The following PLXNC1 variants were observed in gnomAD, a reference collection of about 807,000 sequenced individuals.
PLXNC1 encodes plexin-C1.
PLXNC1 carries 75 observed loss-of-function variants against 178.2 expected under a neutral mutation model. That is an observed-to-expected ratio of 0.42 (90% CI 0.35 to 0.51). The LOEUF (loss-of-function observed/expected upper bound fraction) is 0.51. PLXNC1 is among the 20% of genes least tolerant of loss of function. The pLI is 0.02. For missense variants in PLXNC1, 1,503 were observed against 1,984.4 expected, an observed-to-expected ratio of 0.76 and a Z score of 4.61; for synonymous variants, 790 against 779.9, an observed-to-expected ratio of 1.01 and a Z score of -0.22.
At chr12:94,246,227 G>A (rs1367648450) in intron 12 of PLXNC1, among the ~76,000 whole-genome samples, 1 of 152,210 alleles carries the variant, frequency 6.6e-6, no homozygotes, top group Non-Finnish European at 1.5e-5. Flanking sequence ...AGTTTGGAGA[G>A]GCAGGAACTG....
chr12:94,153,334 G>A (rs1181499946), intron 1 of PLXNC1, among the ~76,000 whole-genome samples: 1 of 152,258 alleles, frequency 6.6e-6, no homozygotes. Flanking sequence ...GTTGAGGCTA[G>A]AGGGTAACCT....
chr12:94,210,911 C>T (rs867167508), intron 5 of PLXNC1, among the ~76,000 whole-genome samples: 2 of 152,072 alleles, frequency 1.3e-5, no homozygotes, highest in East Asian at 1.9e-4. Context: ...CCAAATTTGG[C>T]GCTAATAGAG....
chr12:94,204,481 A>C (rs1222593644), intron 4 of PLXNC1, among the ~76,000 whole-genome samples: 1 of 152,256 alleles, frequency 6.6e-6, no homozygotes, highest in Non-Finnish European at 1.5e-5. Context: ...TAATTTTATC[A>C]TGTAGACTGA....
At chr12:94,182,809 G>T (rs1962361786) in intron 3 of PLXNC1, among the ~76,000 whole-genome samples, 1 of 152,012 alleles carries the variant, frequency 6.6e-6, no homozygotes, top group African/African-American at 2.4e-5. Context: ...TTTATTTTAT[G>T]TGAAGAATCT....
chr12:94,239,441 T>C (rs566788438), intron 10 of PLXNC1, among the ~76,000 whole-genome samples: 2 of 152,246 alleles, frequency 1.3e-5, no homozygotes, highest in Non-Finnish European at 2.9e-5. Flanking sequence ...AAAATGTGCG[T>C]CTGAGGTGGC....
chr12:94,207,911 C>T (rs139984484), intron 4 of PLXNC1, among the ~76,000 whole-genome samples: 24 of 152,138 alleles, frequency 1.6e-4, no homozygotes, highest in African/African-American at 4.8e-4. Flanking sequence ...CCAGTCTCTT[C>T]GGAATTGGCT....
chr12:94,229,697 C>A (rs1014211033), intron 9 of PLXNC1, among the ~76,000 whole-genome samples: 1 of 152,202 alleles, frequency 6.6e-6, no homozygotes, highest in African/African-American at 2.4e-5. Context: ...CGTTGAAAAT[C>A]ATTTCACCAT....
At chr12:94,278,843 C>G (rs781341002) in intron 21 of PLXNC1, among the ~76,000 whole-genome samples, 6 of 152,024 alleles carry the variant, frequency 3.9e-5, no homozygotes, top group Admixed American at 6.6e-5. Context: ...TAAAAAAATA[C>G]AAAAATTAGC....
chr12:94,258,825 G>A (rs1332153041), intron 17 of PLXNC1, among the ~76,000 whole-genome samples: 1 of 152,248 alleles, frequency 6.6e-6, no homozygotes, highest in African/African-American at 2.4e-5. Context: ...TGACCAGTAT[G>A]TGATTAAAAC....
chr12:94,169,568 A>G (rs375623453), intron 2 of PLXNC1, among the ~76,000 whole-genome samples: 1 of 152,150 alleles, frequency 6.6e-6, no homozygotes, highest in East Asian at 1.9e-4. Flanking sequence ...GGTGAGGTAA[A>G]TGGAGGTCTG....
chr12:94,249,939 G>GGGGGGGTA (rs1365837296), intron 14 of PLXNC1, among the ~76,000 whole-genome samples: 2 of 105,486 alleles, frequency 1.9e-5, no homozygotes, highest in Non-Finnish European at 4.0e-5. Flanking sequence ...GTGGGGGGGT[G>GGGGGGGTA]GGGGGGTGGG....
chr12:94,289,341 T>C (rs1329435650), intron 23 of PLXNC1, among the ~76,000 whole-genome samples: 1 of 152,138 alleles, frequency 6.6e-6, no homozygotes, highest in Non-Finnish European at 1.5e-5. Flanking sequence ...TTCCCCTCCA[T>C]TGATGATTGG....
chr12:94,169,610 A>G (rs1028311697), intron 2 of PLXNC1, among the ~76,000 whole-genome samples: 1 of 152,322 alleles, frequency 6.6e-6, no homozygotes. Flanking sequence ...CACCTTCCCA[A>G]GACATGTAAC....
intron 23 of PLXNC1, among the ~76,000 whole-genome samples, chr12:94,289,872 C>T (rs771767619): frequency 1.3e-5 from 2 of 152,174 alleles, no homozygotes; most frequent in Non-Finnish European, 2.9e-5. Context: ...ACAACTCATC[C>T]ACTAATAAAA....
At chr12:94,159,625 G>T (rs1423683157) in intron 1 of PLXNC1, among the ~76,000 whole-genome samples, 3 of 152,310 alleles carry the variant, frequency 2.0e-5, no homozygotes, top group Admixed American at 6.5e-5. Flanking sequence ...GAAGCAGCAG[G>T]CCCAGCCTGC....
chr12:94,185,602 T>C (rs1962479789), intron 3 of PLXNC1, among the ~76,000 whole-genome samples: 1 of 152,176 alleles, frequency 6.6e-6, no homozygotes, highest in Non-Finnish European at 1.5e-5. Context: ...AAGAGGCAGC[T>C]CTAGGGATGG....
intron 12 of PLXNC1, among the ~76,000 whole-genome samples, chr12:94,247,435 C>T (rs1395819843): frequency 6.6e-6 from 1 of 152,172 alleles, no homozygotes; most frequent in Non-Finnish European, 1.5e-5. Flanking sequence ...TCAGCTGCAA[C>T]AAGCGCTTCA....
intron 21 of PLXNC1, among the ~76,000 whole-genome samples, chr12:94,266,704 C>G (rs1565840471): frequency 6.6e-6 from 1 of 152,218 alleles, no homozygotes. Context: ...ATGCCTCATT[C>G]TCCTCACATG....
At chr12:94,252,047 A>G (rs1964710778) in intron 15 of PLXNC1, among the ~76,000 whole-genome samples, 2 of 152,226 alleles carry the variant, frequency 1.3e-5, no homozygotes, top group African/African-American at 2.4e-5. Flanking sequence ...TCATTAATAG[A>G]AGGCTGGATT....
Sources: allele counts gnomAD v4.1 joint callset (sites outside exome capture counted in the v4.1 genomes callset), GRCh38; gene constraint gnomAD v4.1.1; transcripts MANE v1.5; gene names NCBI Gene and HGNC (gene_info 2026-07-23, HGNC 2026-07-21).